DOCK7: variants seen among roughly 807,000 people sequenced by gnomAD.
DOCK7 encodes dedicator of cytokinesis 7, also known as dedicator of cytokinesis protein 7.
Under a neutral mutation model 271.0 loss-of-function variants are expected in DOCK7, and 138 were observed. The observed-to-expected ratio is 0.51, with a 90% CI of 0.44 to 0.59. The LOEUF is 0.59. DOCK7 is among the 20% of genes least tolerant of loss of function. The pLI is 0.00. For synonymous variants in DOCK7, 823 were observed against 876.1 expected (o/e 0.94, Z 1.07); for missense variants, 2,066 against 2,592.4 (o/e 0.80, Z 4.41).
chr1:62,578,879 A>G lies in DOCK7; in HGVS notation c.1959T>C (p.Val653=), dbSNP rs769486097. 7 of 1,609,686 alleles carry G rather than the reference A, an allele frequency of 4.3e-6. No homozygotes were observed. Among genetic ancestry groups the G allele is most frequent in the Non-Finnish European group, 5.9e-6 (7 of 1,178,456 alleles). The change falls in exon 17 of 50, where the codon GTT becomes GTC. Residue 653 remains valine, a synonymous_variant. Coordinates refer to ENST00000635253, the MANE Select transcript of DOCK7 (RefSeq NM_001367561.1). The part of the protein sequence containing the change: ...HHHLLFTFYH[V]SCQQKQNTPL... The stretch of plus-strand genomic sequence containing the variant: ...GAGTATTTTGTTTTTGTTGACAACT[A>G]ACATGATAAAAAGTAAAAAGCAAGT...
chr1:62,666,665 A>T (rs1216626606), intron 1 of DOCK7, among the ~76,000 whole-genome samples: 1 of 152,220 alleles, frequency 6.6e-6, no homozygotes, highest in Non-Finnish European at 1.5e-5. Flanking sequence ...AATAAATATA[A>T]GCCCTGATAC....
At chr1:62,484,853 T>C (rs1571251694) in intron 43 of DOCK7, 1 of 152,092 alleles carries the variant, frequency 6.6e-6, no homozygotes, top group African/African-American at 2.4e-5. Context: ...CAAAACATGC[T>C]TTTAGGCTGG....
chr1:62,551,351 C>CA (rs34548756), intron 22 of DOCK7, among the ~76,000 whole-genome samples: 118,341 of 139,850 alleles, frequency 0.85, 49,743 homozygotes, highest in Middle Eastern at 0.87. Context: ...GATGAACTTA[C>CA]AAAAAAAAAA....
intron 4 of DOCK7, among the ~76,000 whole-genome samples, chr1:62,649,834 C>T (rs1045862760): frequency 5.9e-5 from 9 of 152,164 alleles, no homozygotes; most frequent in African/African-American, 2.2e-4. Flanking sequence ...AATATGGAGC[C>T]TTAGCATGTA....
intron 12 of DOCK7, among the ~76,000 whole-genome samples, chr1:62,622,979 G>T (rs1653473913): frequency 1.3e-5 from 2 of 151,998 alleles, no homozygotes; most frequent in Non-Finnish European, 2.9e-5. Context: ...TCACCATGTT[G>T]CCCAGGCTGG....
At chr1:62,625,228 TC>T in intron 12 of DOCK7, 30 bp downstream of exon 12, 2 of 1,606,588 alleles carry the variant, frequency 1.2e-6, no homozygotes, top group Non-Finnish European at 1.7e-6. Flanking sequence ...CACAAACATC[TC>T]CCCAAAATTC....
At position 62,663,114 on chromosome 1, in the gene DOCK7, C is replaced by T. The variant is rs770149679; in HGVS notation, c.55G>A (p.Val19Ile). Residue 19 changes from valine to isoleucine, a missense_variant, in exon 2 of 50, where the codon GTT (valine) becomes ATT (isoleucine). This residue lies in a region of DOCK7 where 1,414 missense variants were observed against 1,670.4 expected (regional missense o/e 0.85). Transcript: ENST00000635253. ...QKISRTVAAE[V>I]RKQISGQYSG... Reference sequence around the variant, plus strand: ...TATTGTCCGGAGATCTGCTTCCTAACTTCGGCTGCCACCGTTCTACAATGA... The same window carrying T: ...TATTGTCCGGAGATCTGCTTCCTAATTTCGGCTGCCACCGTTCTACAATGA... 8.1e-6 allele frequency: 13 copies of T among 1,612,154 alleles called. No individual in the cohort carries two copies. The highest frequency in any genetic ancestry group is 3.3e-5 in the Admixed American group (2 of 59,876).
chr1:62,542,505 T>A, intron 25 of DOCK7, 103 bp downstream of exon 25: 2 of 1,144,644 alleles, frequency 1.7e-6, no homozygotes, highest in Non-Finnish European at 2.5e-6. Flanking sequence ...GGAAAAGCGT[T>A]AAGATGTGCA....
rs1645936577 is a variant in DOCK7, at chr1:62,475,273, C to T, written c.6040G>A (p.Asp2014Asn). 1.2e-6 allele frequency: 2 copies of T among 1,614,014 alleles called. No homozygotes were observed. Among genetic ancestry groups the T allele is most frequent in the East Asian group, 4.5e-5 (2 of 44,872 alleles). The change falls in exon 47 of 50, where the codon GAT (aspartate) becomes AAT (asparagine). Residue 2014 changes from aspartate to asparagine, a missense_variant. By Grantham distance (23) the Asp-to-Asn change is conservative (BLOSUM62 1). Around this residue, in one of 2 missense-constraint regions of DOCK7, gnomAD observed 652 missense variants for 922.1 expected, o/e 0.71. Transcript: ENST00000635253. ...TQELAFATHQDPADPKMLQMV... is the reference protein window; with the variant it reads ...TQELAFATHQNPADPKMLQMV... The stretch of plus-strand genomic sequence containing the variant: ...TGAAGCATTTTGGGGTCTGCGGGAT[C>T]CTGATGTGTTGCAAATGCCAACTCC...
In DOCK7 at chr1:62,487,415, G is replaced by C. The variant is rs1225541426; in HGVS notation, c.5494-3C>G. Reference sequence around the variant, plus strand: ...TTACCTACCTCCCAGCCAGTACTCTGTATAATAAAAAGTAAAAAAGGGCAA... The same window carrying C: ...TTACCTACCTCCCAGCCAGTACTCTCTATAATAAAAAGTAAAAAAGGGCAA... On this transcript the variant is annotated splice_polypyrimidine_tract_variant and splice_region_variant and intron_variant, in intron 42 of 49. Coordinates refer to ENST00000635253, the MANE Select transcript of DOCK7 (RefSeq NM_001367561.1). 1 of 1,610,412 alleles carries C rather than the reference G, an allele frequency of 6.2e-7. No individual in the cohort carries two copies. Among genetic ancestry groups the C allele is most frequent in the Non-Finnish European group, 8.5e-7 (1 of 1,177,656 alleles).
chr1:62,493,775 A>C (rs1215123379), intron 40 of DOCK7, among the ~76,000 whole-genome samples: 2 of 152,222 alleles, frequency 1.3e-5, no homozygotes, highest in East Asian at 3.8e-4. Context: ...AAGAAAAGCA[A>C]AGCATAACTG....
rs543669830 is a variant in DOCK7, at chr1:62,619,264, T to A, written c.1520-396A>T. ...CTGGAATGGTTTGCTCCAATCATAA[T>A]ATGAATCTATTTTTTAATATTTACC... is the stretch of plus-strand genomic sequence containing the variant. On this transcript the variant is annotated intron_variant, in intron 13 of 49. Transcript: ENST00000635253. Among the ~76,000 whole-genome samples, 96 of 152,328 alleles carry A rather than the reference T, an allele frequency of 6.3e-4. 1 individual carries two copies. Among genetic ancestry groups the A allele is most frequent in the African/African-American group, 2.3e-3 (95 of 41,580 alleles).
Position 62,529,490 on chromosome 1 carries a change from A to G in DOCK7, c.3612-44T>C, listed in dbSNP as rs1645111816. 11 of 1,484,160 alleles carry G rather than the reference A, an allele frequency of 7.4e-6. No individual in the cohort carries two copies. The East Asian group carries it at 2.6e-4, about 35-fold the overall frequency. 91.9% of individuals were successfully genotyped at this position (1,484,160 alleles called of 1,614,324 possible). ...ACAAAGAAGAAAAAGCAGTAAGGCC[A>G]CAGAGATTAGCTAACATCTTTAAAA... On this transcript the variant is annotated intron_variant, in intron 29 of 49. Transcript: ENST00000635253.
rs1557915410 is a variant in DOCK7, at chr1:62,688,282, C to CGGT, written c.-19_-18insACC. The CGGT allele has an allele frequency of 1.3e-5, 16 of 1,275,744 alleles. 1 individual carries two copies. In the African/African-American group the frequency reaches 2.2e-4, roughly 18 times the overall value. The allele number at this position is 1,275,744 out of a possible 1,614,324, so 79.0% of individuals were successfully genotyped here. A position where few individuals can be genotyped will look rare whatever the true frequency, so the allele number is the denominator to read the frequency against. ...TCGGCCATGGCTGCTGCGGCGACGG[C>CGGT]GACGGCGGCGGCGGCTGCGGCGGGC... On this transcript the variant is annotated 5_prime_UTR_variant, in exon 1 of 50. Transcript: ENST00000635253.
intron 34 of DOCK7, among the ~76,000 whole-genome samples, chr1:62,509,340 T>C (rs1308880922): frequency 1.4e-5 from 2 of 145,380 alleles, no homozygotes; most frequent in East Asian, 2.0e-4. Flanking sequence ...AGAATACAAT[T>C]ATCAAAATTA....
chr1:62,681,541 TA>T (rs972472061), intron 1 of DOCK7, among the ~76,000 whole-genome samples: 295 of 11,082 alleles, frequency 0.027, 1 homozygote, highest in East Asian at 0.2. Flanking sequence ...TAATAAAAAA[TA>T]AAAAAAATAA....
chr1:62,493,001 C>T (rs1032200569), intron 40 of DOCK7, among the ~76,000 whole-genome samples, 154 bp from the exon 41 acceptor site: 1 of 152,070 alleles, frequency 6.6e-6, no homozygotes, highest in African/African-American at 2.4e-5. Flanking sequence ...TAAAAACTTT[C>T]TGTATTTTGA....
intron 31 of DOCK7, among the ~76,000 whole-genome samples, chr1:62,517,366 C>T (rs1447610199): frequency 6.6e-6 from 1 of 152,148 alleles, no homozygotes; most frequent in Non-Finnish European, 1.5e-5. Flanking sequence ...GAGGCTGAGG[C>T]GGGTGGATCA....
intron 18 of DOCK7, among the ~76,000 whole-genome samples, chr1:62,572,446 G>A (rs539515534): frequency 3.3e-5 from 5 of 152,136 alleles, no homozygotes; most frequent in Admixed American, 6.5e-5. Flanking sequence ...TGAAAAAACT[G>A]AGGCACAGAA....
Sources: allele counts gnomAD v4.1 joint callset (sites outside exome capture counted in the v4.1 genomes callset), GRCh38; gene constraint gnomAD v4.1.1; regional missense constraint gnomAD v4.1.1; transcripts MANE v1.5; gene names NCBI Gene and HGNC (gene_info 2026-07-23, HGNC 2026-07-21).